ZNF345: variants seen among roughly 807,000 people sequenced by gnomAD.
ZNF345 encodes the protein zinc finger protein HZF10.
For synonymous variants in ZNF345, 166 were observed against 187.9 expected, an observed-to-expected ratio of 0.88 and a Z score of 0.95; for missense variants, 527 against 589.9, an observed-to-expected ratio of 0.89 and a Z score of 1.10.
At chr19:36,881,661 T>A (rs2072969202), downstream of ZNF345, among the ~76,000 whole-genome samples, 1 of 152,134 alleles carries the variant, frequency 6.6e-6, no homozygotes, top group Non-Finnish European at 1.5e-5. Flanking sequence ...AATTAGATTT[T>A]TTAATTTTTA....
At chr19:36,857,433 A>C (rs2072444493) in intron 2 of ZNF345, among the ~76,000 whole-genome samples, 4 of 151,852 alleles carry the variant, frequency 2.6e-5, no homozygotes, top group Admixed American at 2.6e-4. Flanking sequence ...CAGCCTCCCG[A>C]GTAGCTGGGA....
At chr19:36,870,628 A>C (rs1454227991) in intron 2 of ZNF345, among the ~76,000 whole-genome samples, 1 of 152,154 alleles carries the variant, frequency 6.6e-6, no homozygotes, top group Non-Finnish European at 1.5e-5. Context: ...TACATTAAAA[A>C]TATTTTTCCT....
Position 36,877,019 on chromosome 19 carries a change from A to T in ZNF345, c.189A>T (p.Glu63Asp), listed in dbSNP as rs2072894122. 2 of 1,614,142 alleles carry T rather than the reference A, an allele frequency of 1.2e-6. No individual in the cohort carries two copies. The highest frequency in any genetic ancestry group is 2.2e-5 in the East Asian group (1 of 44,876). ...QRIHTDEKLL[E>D]CKECGKDFSF... ...TTCATACTGATGAGAAACTCCTTGA[A>T]TGTAAGGAATGTGGGAAGGATTTTA... Residue 63 changes from glutamate to aspartate, a missense_variant, in exon 3 of 3, where the codon GAA becomes GAT. Transcript: ENST00000420450.
chr19:36,877,068 C>T lies in ZNF345; in HGVS notation c.238C>T (p.His80Tyr), dbSNP rs1310585319. ...DFSFVSVLVR[H>Y]QRIHTGEKPY... ...TAGTTTTGTATCAGTCCTTGTTCGA[C>T]ATCAGCGAATTCATACTGGTGAGAA... The change falls in exon 3 of 3, where the codon CAT becomes TAT. Residue 80 changes from histidine to tyrosine, a missense_variant. Physicochemically the swap from His to Tyr is moderately conservative, Grantham distance 83. Transcript: ENST00000420450. 1.9e-6 allele frequency: 3 copies of T among 1,614,148 alleles called. No individual in the cohort carries two copies. In the South Asian group the frequency reaches 3.3e-5, roughly 18 times the overall value.
chr19:36,869,490 C>G (rs978989482), intron 2 of ZNF345, among the ~76,000 whole-genome samples: 1 of 152,178 alleles, frequency 6.6e-6, no homozygotes, highest in Non-Finnish European at 1.5e-5. Context: ...CATGACTGAA[C>G]TCAGTCTCCA....
At chr19:36,881,888 A>G (rs2072970388), downstream of ZNF345, among the ~76,000 whole-genome samples, 1 of 152,088 alleles carries the variant, frequency 6.6e-6, no homozygotes, top group African/African-American at 2.4e-5. Flanking sequence ...AATGATTTTA[A>G]TGGTTCCTTT....
intron 3 of ZNF345, chr19:36,892,458 C>T (rs2073066855): frequency 1.9e-6 from 3 of 1,583,130 alleles, no homozygotes; most frequent in African/African-American, 2.7e-5. Context: ...TGGTCTCACA[C>T]ATTGATTCCA....
chr19:36,891,955 T>C, intron 3 of ZNF345: 1 of 1,613,806 alleles, frequency 6.2e-7, no homozygotes, highest in Non-Finnish European at 8.5e-7. Flanking sequence ...TTGTGAACTT[T>C]TAGTAAAGGC....
rs532911309 is a variant in ZNF345 at position 36,875,423 on chromosome 19, C to T, written c.-46-1362C>T. ...AGATGAAACCATGATGGGGATGGGT[C>T]GGTACAGTTTTGTGCATTTGAAGAA... On this transcript the variant is annotated intron_variant, in intron 2 of 2. Coordinates refer to ENST00000420450, the MANE Select transcript of ZNF345 (RefSeq NM_001242472.2). 1.8e-3 allele frequency among the ~76,000 whole-genome samples: 273 copies of T among 152,054 alleles called. 1 individual carries two copies. The highest frequency in any genetic ancestry group is 6.3e-3 in the African/African-American group (260 of 41,478).
chr19:36,886,811 C>A (rs1222079786), intron 3 of ZNF345, among the ~76,000 whole-genome samples: 2 of 151,656 alleles, frequency 1.3e-5, no homozygotes, highest in Non-Finnish European at 2.9e-5. Context: ...CACGGTGAAA[C>A]CCCGTCTCTA....
At chr19:36,891,972 A>G in intron 3 of ZNF345, 1 of 1,613,884 alleles carries the variant, frequency 6.2e-7, no homozygotes, top group Non-Finnish European at 8.5e-7. Flanking sequence ...AGGCTTTTCC[A>G]CATACTTTAC....
chr19:36,853,336 C>T (rs1233368761), intron 2 of ZNF345, among the ~76,000 whole-genome samples: 1 of 151,504 alleles, frequency 6.6e-6, no homozygotes, highest in Non-Finnish European at 1.5e-5. Flanking sequence ...ACAACCTCCG[C>T]CTCTTGGGTT....
chr19:36,877,657 A>C lies in ZNF345; in HGVS notation c.827A>C (p.His276Pro), dbSNP rs770499651. The stretch of plus-strand genomic sequence containing the variant: ...AGTTTTGGATCAGCCCTTACTCGAC[A>C]TCAAAGAATTCATACTGGTGAGAAA... ...AFSFGSALTRHQRIHTGEKPY... is the reference protein window; with the variant it reads ...AFSFGSALTRPQRIHTGEKPY... The change falls in exon 3 of 3, where the codon CAT (histidine) becomes CCT (proline). Residue 276 changes from histidine (H) to proline (P), a missense_variant. Coordinates refer to ENST00000420450, the MANE Select transcript of ZNF345 (RefSeq NM_001242472.2). 1 of 1,614,168 alleles carries C rather than the reference A, an allele frequency of 6.2e-7. No individual in the cohort carries two copies. The highest frequency in any genetic ancestry group is 8.5e-7 in the Non-Finnish European group (1 of 1,180,012).
At chr19:36,861,415 CA>C (rs1251929087) in intron 2 of ZNF345, among the ~76,000 whole-genome samples, 1 of 152,264 alleles carries the variant, frequency 6.6e-6, no homozygotes, top group East Asian at 1.9e-4. Context: ...ACCTGGCTTC[CA>C]TTATCCTCAT....
chr19:36,892,825 A>T, exon 4 of ZNF345: 1 of 873,232 alleles, frequency 1.1e-6, no homozygotes, highest in Non-Finnish European at 1.5e-6. Context: ...CAGATCCCCC[A>T]CAGGCGCTGC....
rs541296611 is a variant in ZNF345, at chr19:36,862,707, G to A, written c.-47+10803G>A. On this transcript the variant is annotated intron_variant, in intron 2 of 2. Transcript: ENST00000420450. ...AAAAAAGTTAAAACTATGCAAAAAG[G>A]TAAAGTTAGAGCATCATCACTCTGC... 1.0e-4 allele frequency among the ~76,000 whole-genome samples: 15 copies of A among 150,614 alleles called. No individual in the cohort carries two copies. In the South Asian group the frequency reaches 2.3e-3, roughly 24 times the overall value.
intron 2 of ZNF345, among the ~76,000 whole-genome samples, chr19:36,852,274 T>C (rs933337377): frequency 6.6e-6 from 1 of 152,024 alleles, no homozygotes; most frequent in Non-Finnish European, 1.5e-5. Flanking sequence ...CATATTTTGG[T>C]ACACATTTGC....
chr19:36,854,783 C>G (rs926772331), intron 2 of ZNF345, among the ~76,000 whole-genome samples: 3 of 151,806 alleles, frequency 2.0e-5, no homozygotes, highest in Non-Finnish European at 4.4e-5. Flanking sequence ...TTAGTAACAT[C>G]TGGTACAATC....
chr19:36,855,485 G>T (rs1161616307), intron 2 of ZNF345, among the ~76,000 whole-genome samples: 11 of 103,490 alleles, frequency 1.1e-4, no homozygotes, highest in Non-Finnish European at 1.4e-4. Flanking sequence ...ACAGAGTTTC[G>T]ATCTTGTTGC....
Sources: gnomAD v4.1 joint callset for allele counts (sites outside exome capture counted in the v4.1 genomes callset) on GRCh38, gnomAD v4.1.1 for gene constraint, MANE v1.5 for transcripts, NCBI Gene and HGNC (gene_info 2026-07-23, HGNC 2026-07-21) for gene names.